MTUS2: variants seen among roughly 807,000 people sequenced by gnomAD.
MTUS2 encodes microtubule-associated tumor suppressor candidate 2.
MTUS2 carries 40 observed loss-of-function variants against 114.1 expected under a neutral mutation model. The observed-to-expected ratio is 0.35, with a 90% CI of 0.27 to 0.46. The LOEUF (loss-of-function observed/expected upper bound fraction) is 0.46. Ranked by LOEUF, MTUS2 falls within the 20% of genes least tolerant of loss-of-function variation. The probability of loss-of-function intolerance (pLI) is 1.00; values close to 1 mark genes in which losing one functional copy is unlikely to be tolerated. For synonymous variants in MTUS2, 688 were observed against 672.0 expected (o/e 1.02, Z -0.37); for missense variants, 1,679 against 1,705.4 (o/e 0.98, Z 0.27).
intron 2 of MTUS2, among the ~76,000 whole-genome samples, chr13:28,894,283 G>GC (rs1566203503): frequency 2.6e-5 from 1 of 38,358 alleles, no homozygotes; most frequent in Non-Finnish European, 4.7e-5. Context: ...AGTTGGTGGG[G>GC]GGGGGGGAGA....
At chr13:29,138,605 CA>C (rs954023790) in intron 5 of MTUS2, among the ~76,000 whole-genome samples, 1 of 150,970 alleles carries the variant, frequency 6.6e-6, no homozygotes. Context: ...CTAATGAGTG[CA>C]GGGTTTCTTT....
At chr13:29,274,776 C>T (rs1194209049) in intron 5 of MTUS2, among the ~76,000 whole-genome samples, 1 of 152,190 alleles carries the variant, frequency 6.6e-6, no homozygotes, top group Non-Finnish European at 1.5e-5. Context: ...ATCACCCAGG[C>T]TGGAGTGCAG....
chr13:29,190,869 A>C lies in MTUS2; in HGVS notation c.2644+89899A>C, dbSNP rs541679725. On this transcript the variant is annotated intron_variant, in intron 5 of 15. Coordinates refer to ENST00000612955, the MANE Select transcript of MTUS2 (RefSeq NM_001033602.4). ...CCTGACGTTCACTGTGACCTACATT[A>C]CCATAGTAGTGAACTTGGGCAACTG... Among the ~76,000 whole-genome samples, 8 of 152,210 alleles carry C rather than the reference A, an allele frequency of 5.3e-5. 1 individual carries two copies. The South Asian group carries it at 1.7e-3, about 32-fold the overall frequency.
At chr13:29,281,419 C>CTGTGTGTGTG (rs10682778) in intron 5 of MTUS2, among the ~76,000 whole-genome samples, 28 of 146,548 alleles carry the variant, frequency 1.9e-4, no homozygotes, top group African/African-American at 6.8e-4. Context: ...GTATGTATGT[C>CTGTGTGTGTG]TGTGTGTGTG....
At chr13:29,138,222 A>G (rs1421700229) in intron 5 of MTUS2, among the ~76,000 whole-genome samples, 1 of 151,992 alleles carries the variant, frequency 6.6e-6, no homozygotes, top group African/African-American at 2.4e-5. Context: ...TAAGAGGGGA[A>G]ATTGACCAAA....
chr13:29,016,300 G>T lies in MTUS2; in HGVS notation c.-242-8157G>T, dbSNP rs189356937. On this transcript the variant is annotated intron_variant, in intron 2 of 15. Coordinates refer to ENST00000612955, the MANE Select transcript of MTUS2 (RefSeq NM_001033602.4). ...ACAAAATAAACATTAAGCACAATAGGCAAGGAATGAATGCTCTTTATTTTC... is the reference window on the plus strand; with the variant it reads ...ACAAAATAAACATTAAGCACAATAGTCAAGGAATGAATGCTCTTTATTTTC... 2.0e-5 allele frequency among the ~76,000 whole-genome samples: 3 copies of T among 150,382 alleles called. No homozygotes were observed. The East Asian group carries it at 5.8e-4, about 29-fold the overall frequency.
At chr13:29,209,860 G>A (rs1296936994) in intron 5 of MTUS2, among the ~76,000 whole-genome samples, 1 of 152,156 alleles carries the variant, frequency 6.6e-6, no homozygotes, top group African/African-American at 2.4e-5. Context: ...CAGCTTTTAA[G>A]ATTCTTTCCT....
At position 28,869,645 on chromosome 13, in the gene MTUS2, C is replaced by T. The variant is rs555727306; in HGVS notation, c.-243+29795C>T. 9.5e-4 allele frequency among the ~76,000 whole-genome samples: 144 copies of T among 152,222 alleles called. 2 individuals are homozygous for T. Among genetic ancestry groups the T allele is most frequent in the South Asian group, 2.3e-3 (11 of 4,816 alleles). On this transcript the variant is annotated intron_variant, in intron 2 of 15. Coordinates refer to ENST00000612955, the MANE Select transcript of MTUS2 (RefSeq NM_001033602.4). The stretch of plus-strand genomic sequence containing the variant: ...AATTAGCTGGGCGTGGTGGTGCGTG[C>T]CTGTAGTTCCAGCTACTTAGGAGGC...
chr13:29,474,008 C>T (rs1257984078), intron 9 of MTUS2, among the ~76,000 whole-genome samples: 1 of 152,140 alleles, frequency 6.6e-6, no homozygotes, highest in East Asian at 1.9e-4. Context: ...TTTAGGGACT[C>T]CATTATTGGA....
chr13:29,365,931 G>T (rs1285241473), intron 8 of MTUS2, among the ~76,000 whole-genome samples: 2 of 152,224 alleles, frequency 1.3e-5, no homozygotes, highest in Non-Finnish European at 2.9e-5. Flanking sequence ...AACAAGAGGA[G>T]ATATGGTTTT....
intron 2 of MTUS2, among the ~76,000 whole-genome samples, chr13:28,948,750 C>A (rs879088558): frequency 6.6e-6 from 1 of 152,142 alleles, no homozygotes; most frequent in African/African-American, 2.4e-5. Flanking sequence ...ATGTGTGTGG[C>A]AGCAGGGGAA....
At chr13:29,406,045 C>T (rs1384996521) in intron 8 of MTUS2, among the ~76,000 whole-genome samples, 1 of 152,016 alleles carries the variant, frequency 6.6e-6, no homozygotes, top group African/African-American at 2.4e-5. Flanking sequence ...CTGGCCTTAA[C>T]TATGTTTAAT....
chr13:28,949,653 T>C (rs575917654), intron 2 of MTUS2, among the ~76,000 whole-genome samples: 14 of 152,314 alleles, frequency 9.2e-5, no homozygotes, highest in African/African-American at 3.1e-4. Flanking sequence ...ACCATTCTAC[T>C]CTGTCTCTAT....
At chr13:29,240,492 A>G (rs1431149662) in intron 5 of MTUS2, among the ~76,000 whole-genome samples, 1 of 152,260 alleles carries the variant, frequency 6.6e-6, no homozygotes, top group Non-Finnish European at 1.5e-5. Flanking sequence ...CTTGTTTACA[A>G]AAGTCAAGTA....
chr13:28,983,779 G>A (rs777332050), intron 2 of MTUS2, among the ~76,000 whole-genome samples: 1 of 152,202 alleles, frequency 6.6e-6, no homozygotes, highest in African/African-American at 2.4e-5. Context: ...GAGAGCCAGG[G>A]CTCTAGAGCA....
At chr13:29,224,131 G>A (rs1461259812) in intron 5 of MTUS2, among the ~76,000 whole-genome samples, 1 of 152,196 alleles carries the variant, frequency 6.6e-6, no homozygotes, top group Non-Finnish European at 1.5e-5. Context: ...TGAGTGGGTG[G>A]AACGAGCCCA....
chr13:29,208,968 T>G (rs1895306575), intron 5 of MTUS2, among the ~76,000 whole-genome samples: 2 of 152,258 alleles, frequency 1.3e-5, no homozygotes, highest in Admixed American at 1.3e-4. Flanking sequence ...TTAAGTCTAT[T>G]GTTACTTTGT....
At chr13:29,494,551 G>A (rs950925431) in intron 12 of MTUS2, among the ~76,000 whole-genome samples, 1 of 151,360 alleles carries the variant, frequency 6.6e-6, no homozygotes, top group African/African-American at 2.4e-5. Context: ...GAGGTTTGGT[G>A]TAGGAGCCAT....
chr13:29,216,809 A>G (rs4769691), intron 5 of MTUS2, among the ~76,000 whole-genome samples: 85,760 of 151,976 alleles, frequency 0.56, 24,380 homozygotes, highest in Admixed American at 0.57. Context: ...CTATTCGGCC[A>G]TCTTGGAAAA....
Sources: gnomAD v4.1 joint callset for allele counts (sites outside exome capture counted in the v4.1 genomes callset) on GRCh38, gnomAD v4.1.1 for gene constraint, MANE v1.5 for transcripts, NCBI Gene and HGNC (gene_info 2026-07-23, HGNC 2026-07-21) for gene names.